The following CSMD1 variants were observed in gnomAD, a reference collection of about 807,000 sequenced individuals.
CSMD1 encodes the protein CUB and sushi domain-containing protein 1.
Under a neutral mutation model 417.5 loss-of-function variants are expected in CSMD1, and 213 were observed. The ratio of observed to expected loss-of-function variants is 0.51; its 90% CI spans 0.46 to 0.57. CSMD1 has a LOEUF of 0.57. Ranked by LOEUF, CSMD1 falls within the 20% of genes least tolerant of loss-of-function variation. CSMD1 has a pLI of 0.00. For synonymous variants in CSMD1, 2,862 were observed against 1,736.8 expected (o/e 1.65, Z -16.11); for missense variants, 6,923 against 4,529.7 (o/e 1.53, Z -15.17).
At chr8:3,781,009 G>A (rs889014962) in intron 5 of CSMD1, among the ~76,000 whole-genome samples, 1 of 152,080 alleles carries the variant, frequency 6.6e-6, no homozygotes, top group Admixed American at 6.6e-5. Context: ...TGACTCCTTG[G>A]AATAAAGTAT....
At chr8:3,988,890 C>T (rs1224266887) in intron 5 of CSMD1, among the ~76,000 whole-genome samples, 1 of 152,062 alleles carries the variant, frequency 6.6e-6, no homozygotes, top group South Asian at 2.1e-4. Flanking sequence ...AATTCATAAC[C>T]AAAGTAAGAT....
At chr8:4,950,282 G>T (rs1036616358) in intron 1 of CSMD1, among the ~76,000 whole-genome samples, 1 of 151,986 alleles carries the variant, frequency 6.6e-6, no homozygotes, top group African/African-American at 2.4e-5. Flanking sequence ...TTACTTTATG[G>T]TTAATTCTGA....
At chr8:3,752,356 T>A (rs1797384273) in intron 6 of CSMD1, among the ~76,000 whole-genome samples, 1 of 152,106 alleles carries the variant, frequency 6.6e-6, no homozygotes, top group South Asian at 2.1e-4. Flanking sequence ...CCTGATGAAG[T>A]CTAAAATATA....
intron 3 of CSMD1, among the ~76,000 whole-genome samples, chr8:4,131,333 T>C (rs933646564): frequency 1.3e-5 from 2 of 152,166 alleles, no homozygotes; most frequent in Admixed American, 6.5e-5. Context: ...TGTGCTTTCA[T>C]CTTCCACTTG....
chr8:4,873,844 T>A (rs1802878888), intron 1 of CSMD1, among the ~76,000 whole-genome samples: 1 of 152,130 alleles, frequency 6.6e-6, no homozygotes, highest in Non-Finnish European at 1.5e-5. Flanking sequence ...TTACTCTATA[T>A]AAAGGTGATT....
chr8:3,976,588 G>C (rs1390412530), intron 5 of CSMD1, among the ~76,000 whole-genome samples: 1 of 152,152 alleles, frequency 6.6e-6, no homozygotes, highest in Non-Finnish European at 1.5e-5. Flanking sequence ...GTAAAACCAG[G>C]CAAGATTTGC....
intron 3 of CSMD1, among the ~76,000 whole-genome samples, chr8:4,298,523 T>C (rs1272778679): frequency 1.3e-5 from 2 of 152,158 alleles, no homozygotes; most frequent in Non-Finnish European, 2.9e-5. Context: ...ACTTGACCTA[T>C]ATACAATGTA....
chr8:4,413,704 T>C (rs1051602057), intron 3 of CSMD1, among the ~76,000 whole-genome samples: 1 of 152,104 alleles, frequency 6.6e-6, no homozygotes, highest in African/African-American at 2.4e-5. Context: ...TTTTCCAATG[T>C]CATTTAACAT....
At chr8:3,968,323 G>C (rs538232054) in intron 5 of CSMD1, among the ~76,000 whole-genome samples, 16 of 152,244 alleles carry the variant, frequency 1.1e-4, no homozygotes, top group East Asian at 5.8e-4. Flanking sequence ...GTATTGCCTG[G>C]ACAGAGGGCT....
chr8:4,625,962 G>A (rs1585351653), intron 2 of CSMD1, among the ~76,000 whole-genome samples: 1 of 152,108 alleles, frequency 6.6e-6, no homozygotes, highest in African/African-American at 2.4e-5. Flanking sequence ...GACCTCTAGT[G>A]ATCTGCCCGC....
chr8:4,983,069 C>T (rs1373769545), intron 1 of CSMD1, among the ~76,000 whole-genome samples: 1 of 152,138 alleles, frequency 6.6e-6, no homozygotes, highest in Non-Finnish European at 1.5e-5. Flanking sequence ...GAAAAAAATG[C>T]AAACATCTCA....
intron 10 of CSMD1, among the ~76,000 whole-genome samples, chr8:3,552,834 T>C (rs1255562627): frequency 2.6e-5 from 4 of 152,192 alleles, no homozygotes; most frequent in African/African-American, 7.2e-5. Context: ...GTATAATTTA[T>C]ATTCTTTTAA....
chr8:4,980,627 G>A lies in CSMD1; in HGVS notation c.85+13705C>T, dbSNP rs79470217. Among the ~76,000 whole-genome samples, 266 of 152,282 alleles carry A rather than the reference G, an allele frequency of 1.7e-3. 3 individuals are homozygous for A. The highest frequency in any genetic ancestry group is 6.2e-3 in the African/African-American group (259 of 41,546). On this transcript the variant is annotated intron_variant, in intron 1 of 69. Transcript: ENST00000635120. ...GAATTCAAAAATCTTATCTAGCCAG[G>A]CATGGTGGCTCACGCCTGTAATCCT...
chr8:3,885,308 G>T (rs1806485410), intron 5 of CSMD1, among the ~76,000 whole-genome samples: 1 of 151,986 alleles, frequency 6.6e-6, no homozygotes, highest in Non-Finnish European at 1.5e-5. Flanking sequence ...CCTTTTCAGG[G>T]GTTTGTCAGT....
chr8:4,357,159 AAT>A (rs1266164105), intron 3 of CSMD1, among the ~76,000 whole-genome samples: 3 of 152,198 alleles, frequency 2.0e-5, no homozygotes, highest in Non-Finnish European at 4.4e-5. Context: ...TCTCAAATAA[AAT>A]ATGGTACGCA....
intron 2 of CSMD1, among the ~76,000 whole-genome samples, chr8:4,517,025 G>A (rs191735093): frequency 2.0e-5 from 3 of 152,230 alleles, no homozygotes; most frequent in East Asian, 1.9e-4. Context: ...TTTAAGATTT[G>A]GAAGACTAAT....
At chr8:4,155,184 G>A (rs775992220) in intron 3 of CSMD1, among the ~76,000 whole-genome samples, 8 of 152,174 alleles carry the variant, frequency 5.3e-5, no homozygotes, top group East Asian at 1.9e-4. Context: ...AATTTGCCCA[G>A]GATTGTCCTT....
intron 11 of CSMD1, among the ~76,000 whole-genome samples, chr8:3,477,057 T>C (rs1817472945): frequency 6.6e-6 from 1 of 152,216 alleles, no homozygotes; most frequent in Non-Finnish European, 1.5e-5. Context: ...CACAGATCTA[T>C]ACATGTATTT....
chr8:3,060,204 G>C (rs1812502498), intron 49 of CSMD1, among the ~76,000 whole-genome samples: 1 of 149,736 alleles, frequency 6.7e-6, no homozygotes, highest in African/African-American at 2.5e-5. Context: ...GGAGTGCAGT[G>C]GTGTGATCTC....
Sources: allele counts gnomAD v4.1 joint callset (sites outside exome capture counted in the v4.1 genomes callset), GRCh38; gene constraint gnomAD v4.1.1; transcripts MANE v1.5; gene names NCBI Gene and HGNC (gene_info 2026-07-23, HGNC 2026-07-21).